The following LGR5 variants were observed in gnomAD, a reference collection of about 807,000 sequenced individuals.
LGR5 encodes the protein leucine-rich repeat-containing G protein-coupled receptor 5.
Under a neutral mutation model 76.7 loss-of-function variants are expected in LGR5, and 54 were observed. The observed-to-expected ratio is 0.70, with a 90% CI of 0.57 to 0.88. The LOEUF (loss-of-function observed/expected upper bound fraction) is 0.88. Among genes scored for constraint, LGR5 ranks in the 40% least tolerant of loss-of-function variants. LGR5 has a pLI of 0.00. For missense variants in LGR5, 1,078 were observed against 1,073.3 expected (o/e 1.00, Z -0.06); for synonymous variants, 406 against 421.9 (o/e 0.96, Z 0.46).
chr12:71,536,625 T>C (rs538757519), intron 4 of LGR5, among the ~76,000 whole-genome samples: 3 of 152,324 alleles, frequency 2.0e-5, no homozygotes, highest in East Asian at 1.9e-4. Flanking sequence ...ATGGTGATAA[T>C]GGCGGTAGCC....
intron 16 of LGR5, among the ~76,000 whole-genome samples, chr12:71,581,701 C>T (rs771178746): frequency 2.0e-5 from 3 of 152,178 alleles, no homozygotes; most frequent in Admixed American, 1.3e-4. Context: ...AACATAAAAA[C>T]ACAAGCAAAA....
chr12:71,446,078 A>G (rs1395524796), intron 1 of LGR5, among the ~76,000 whole-genome samples: 2 of 152,204 alleles, frequency 1.3e-5, no homozygotes, highest in Non-Finnish European at 2.9e-5. Context: ...CCAAGTGCCC[A>G]TACCAATGCC....
chr12:71,450,265 C>T (rs1035967358), intron 1 of LGR5, among the ~76,000 whole-genome samples: 3 of 152,072 alleles, frequency 2.0e-5, no homozygotes, highest in African/African-American at 7.2e-5. Flanking sequence ...CCAAATAGCC[C>T]GTTGTTTACA....
chr12:71,501,871 T>A (rs2137299278), intron 1 of LGR5, among the ~76,000 whole-genome samples: 1 of 152,312 alleles, frequency 6.6e-6, no homozygotes, highest in Middle Eastern at 3.4e-3. Flanking sequence ...GAACCATAAT[T>A]ACATTTTAAC....
chr12:71,520,863 T>C (rs1284298043), intron 2 of LGR5, among the ~76,000 whole-genome samples: 3 of 152,038 alleles, frequency 2.0e-5, no homozygotes, highest in Non-Finnish European at 4.4e-5. Context: ...ACTTAAAGTA[T>C]AATAAAAAAG....
At chr12:71,487,773 G>A (rs1418715351) in intron 1 of LGR5, among the ~76,000 whole-genome samples, 1 of 152,110 alleles carries the variant, frequency 6.6e-6, no homozygotes, top group Non-Finnish European at 1.5e-5. Context: ...TTATACATAG[G>A]GGTCCAGTCT....
At position 71,562,716 on chromosome 12, in the gene LGR5, C is replaced by T. The variant is rs182433146; in HGVS notation, c.857+864C>T. ...CCTCTCGGAGGCAGATTTGGGACAC[C>T]ATCAAACCTGAGGTTGTGAATGAGA... On this transcript the variant is annotated intron_variant, in intron 8 of 17. Transcript: ENST00000266674. Among the ~76,000 whole-genome samples the T allele has an allele frequency of 1.7e-4, 26 of 152,230 alleles. No individual in the cohort carries two copies. In the East Asian group the frequency reaches 4.1e-3, roughly 24 times the overall value.
chr12:71,564,681 CATATATACATAT>C (rs1878231134), intron 8 of LGR5, among the ~76,000 whole-genome samples: 1 of 141,028 alleles, frequency 7.1e-6, no homozygotes, highest in Non-Finnish European at 1.5e-5. Context: ...TGTATATATA[CATATATACATAT>C]ATGTACACAC....
chr12:71,439,811 C>T lies in LGR5; in HGVS notation c.-270C>T. 2.1e-6 allele frequency: 1 copy of T among 474,458 alleles called. No individual in the cohort carries two copies. The highest frequency in any genetic ancestry group is 3.7e-6 in the Non-Finnish European group (1 of 270,226). The allele number at this position is 474,458 out of a possible 1,614,324, so 29.4% of individuals were successfully genotyped here. Reference sequence around the variant, plus strand: ...AGCAGAGATGCTGCTCCACACCGCTCAGGCCGCGAGCAGCAGCAAGGCGCA... The same window carrying T: ...AGCAGAGATGCTGCTCCACACCGCTTAGGCCGCGAGCAGCAGCAAGGCGCA... On this transcript the variant is annotated 5_prime_UTR_variant, in exon 1 of 18. Coordinates refer to ENST00000266674, the MANE Select transcript of LGR5 (RefSeq NM_003667.4).
intron 1 of LGR5, among the ~76,000 whole-genome samples, chr12:71,480,291 G>T (rs940492690): frequency 6.6e-6 from 1 of 151,318 alleles, no homozygotes; most frequent in East Asian, 1.9e-4. Context: ...AACCTGGGAG[G>T]TGGAGATTGC....
At chr12:71,486,224 C>T (rs1296820218) in intron 1 of LGR5, among the ~76,000 whole-genome samples, 1 of 152,188 alleles carries the variant, frequency 6.6e-6, no homozygotes, top group Non-Finnish European at 1.5e-5. Flanking sequence ...TCAGTTGCCG[C>T]TGTTGACACA....
At position 71,459,264 on chromosome 12, in the gene LGR5, T is replaced by G. The variant is rs1872601956; in HGVS notation, c.212+18972T>G. Among the ~76,000 whole-genome samples, 3 of 152,252 alleles carry G rather than the reference T, an allele frequency of 2.0e-5. No individual in the cohort carries two copies. In the South Asian group the frequency reaches 6.2e-4, roughly 32 times the overall value. On this transcript the variant is annotated intron_variant, in intron 1 of 17. Coordinates refer to ENST00000266674, the MANE Select transcript of LGR5 (RefSeq NM_003667.4). ...CCTTCTGCCTTACTGGCTTATAGTTTTACTGGGCATATCTCATTCATTTTC... is the reference window on the plus strand; with the variant it reads ...CCTTCTGCCTTACTGGCTTATAGTTGTACTGGGCATATCTCATTCATTTTC...
At chr12:71,531,603 C>T (rs1416578493) in intron 3 of LGR5, among the ~76,000 whole-genome samples, 1 of 152,146 alleles carries the variant, frequency 6.6e-6, no homozygotes. Flanking sequence ...TGCGGTGGCT[C>T]ATGCCTGTAA....
intron 2 of LGR5, among the ~76,000 whole-genome samples, chr12:71,519,151 C>G (rs1285963977): frequency 1.3e-5 from 2 of 152,278 alleles, no homozygotes; most frequent in South Asian, 2.1e-4. Context: ...TCCACTCCAG[C>G]CATGCTCGCC....
chr12:71,491,649 G>C (rs1874080322), intron 1 of LGR5, among the ~76,000 whole-genome samples: 1 of 151,322 alleles, frequency 6.6e-6, no homozygotes, highest in Admixed American at 6.6e-5. Context: ...TGTAATGCCT[G>C]AGAAAAATAA....
At chr12:71,533,300 GCGCCACTGCACTC>G (rs1876420093) in intron 3 of LGR5, among the ~76,000 whole-genome samples, 1 of 152,162 alleles carries the variant, frequency 6.6e-6, no homozygotes, top group Admixed American at 6.5e-5. Flanking sequence ...GGCCGAGATT[GCGCCACTGCACTC>G]CAGCCTGGTG....
chr12:71,556,292 A>C (rs541884666), intron 5 of LGR5, among the ~76,000 whole-genome samples: 39 of 152,208 alleles, frequency 2.6e-4, no homozygotes, highest in Non-Finnish European at 4.4e-4. Context: ...CCTACATAAC[A>C]AACCTGCACA....
chr12:71,465,690 T>A (rs1872836399), intron 1 of LGR5, among the ~76,000 whole-genome samples: 1 of 152,192 alleles, frequency 6.6e-6, no homozygotes, highest in South Asian at 2.1e-4. Context: ...GCCTGCTATT[T>A]AACACCTGGC....
intron 2 of LGR5, among the ~76,000 whole-genome samples, chr12:71,517,649 T>G (rs1223368951): frequency 2.6e-5 from 4 of 152,218 alleles, no homozygotes; most frequent in Non-Finnish European, 5.9e-5. Flanking sequence ...GTCCTGACTG[T>G]GACCAGTATA....
Sources: gnomAD v4.1 joint callset for allele counts (sites outside exome capture counted in the v4.1 genomes callset) on GRCh38, gnomAD v4.1.1 for gene constraint, MANE v1.5 for transcripts, NCBI Gene and HGNC (gene_info 2026-07-23, HGNC 2026-07-21) for gene names.